The following VMP1 variants were observed in gnomAD, a reference collection of about 807,000 sequenced individuals.
VMP1 encodes ectopic P-granules autophagy protein 3 homolog.
A neutral mutation model predicts 56.0 loss-of-function variants in VMP1; 11 were observed. The ratio of observed to expected loss-of-function variants is 0.20; its 90% CI spans 0.12 to 0.32. VMP1 has a LOEUF of 0.32. VMP1 is among the 10% of genes least tolerant of loss of function. VMP1 has a pLI of 1.00. For synonymous variants in VMP1, 149 were observed against 165.0 expected (o/e 0.90, Z 0.74); for missense variants, 296 against 490.3 (o/e 0.60, Z 3.74).
chr17:59,807,521 C>T (rs1381952199), intron 7 of VMP1, among the ~76,000 whole-genome samples: 2 of 151,834 alleles, frequency 1.3e-5, no homozygotes, highest in Admixed American at 6.6e-5. Flanking sequence ...TCTATATTCT[C>T]TTTATTGTCT....
At chr17:59,778,658 A>G (rs1302005081) in intron 7 of VMP1, among the ~76,000 whole-genome samples, 1 of 152,174 alleles carries the variant, frequency 6.6e-6, no homozygotes, top group Non-Finnish European at 1.5e-5. Context: ...TCCAGGCTTA[A>G]TATTTACTGA....
intron 6 of VMP1, among the ~76,000 whole-genome samples, chr17:59,773,136 A>G (rs1345990726): frequency 6.6e-6 from 1 of 150,940 alleles, no homozygotes; most frequent in Non-Finnish European, 1.5e-5. Context: ...TAATTTTTGT[A>G]TTTTTAGTAG....
chr17:59,808,737 A>T, intron 7 of VMP1, 59 bp from the exon 8 acceptor site: 1 of 1,382,546 alleles, frequency 7.2e-7, no homozygotes, highest in Non-Finnish European at 1.0e-6. Flanking sequence ...CTCTAGAAAG[A>T]ACCATCTTTC....
At chr17:59,817,856 A>C in intron 10 of VMP1, 83 bp downstream of exon 10, 1 of 1,092,214 alleles carries the variant, frequency 9.2e-7, no homozygotes, top group Non-Finnish European at 1.3e-6. Flanking sequence ...TTGAAATAGA[A>C]TTTTTGACAT....
intron 1 of VMP1, among the ~76,000 whole-genome samples, chr17:59,713,450 C>A (rs1270410454): frequency 6.6e-6 from 1 of 151,850 alleles, no homozygotes; most frequent in Non-Finnish European, 1.5e-5. Flanking sequence ...ATATATAAAT[C>A]TAGAGGTCAA....
chr17:59,742,629 A>C (rs2143855773), intron 5 of VMP1, among the ~76,000 whole-genome samples: 1 of 152,114 alleles, frequency 6.6e-6, no homozygotes, highest in Admixed American at 6.6e-5. Flanking sequence ...CTAATACACC[A>C]GGGGTCCCTA....
chr17:59,822,118 A>C (rs2038476125), intron 10 of VMP1, among the ~76,000 whole-genome samples: 1 of 152,126 alleles, frequency 6.6e-6, no homozygotes, highest in Non-Finnish European at 1.5e-5. Flanking sequence ...CTGCGATTAC[A>C]AGAGTGAGCC....
intron 7 of VMP1, among the ~76,000 whole-genome samples, chr17:59,807,110 CT>C (rs1215892328): frequency 6.6e-6 from 1 of 151,688 alleles, no homozygotes; most frequent in Non-Finnish European, 1.5e-5. Flanking sequence ...AATTAGAGAA[CT>C]ATATTTTTCA....
intron 7 of VMP1, among the ~76,000 whole-genome samples, chr17:59,800,203 A>G (rs1357922771): frequency 2.0e-5 from 3 of 152,196 alleles, no homozygotes; most frequent in African/African-American, 7.2e-5. Context: ...AAAGTTTTAC[A>G]TTGCAGTTTC....
chr17:59,809,484 ATTTTTTTTTTTTTTTTT>A (rs71145575), intron 8 of VMP1, among the ~76,000 whole-genome samples: 11 of 52,712 alleles, frequency 2.1e-4, no homozygotes, highest in African/African-American at 4.1e-4. Context: ...CACCCAGCTA[ATTTTTTTTTTTTTTTTT>A]TTTTTTTTTT....
chr17:59,742,900 A>C (rs1222235305), intron 5 of VMP1, among the ~76,000 whole-genome samples: 2 of 152,138 alleles, frequency 1.3e-5, no homozygotes, highest in Non-Finnish European at 2.9e-5. Flanking sequence ...AATGCCTGAT[A>C]ATCTGAGGTG....
chr17:59,743,578 CTCTA>C (rs1053797426), intron 5 of VMP1, among the ~76,000 whole-genome samples: 7 of 148,588 alleles, frequency 4.7e-5, no homozygotes, highest in African/African-American at 1.5e-4. Flanking sequence ...CTCTCTCTCT[CTCTA>C]TATATATATA....
chr17:59,714,673 G>A (rs544360119), intron 1 of VMP1, among the ~76,000 whole-genome samples: 15 of 151,960 alleles, frequency 9.9e-5, no homozygotes, highest in Admixed American at 9.8e-4. Context: ...GCGGTGCAGG[G>A]AGAGGGCTTT....
intron 5 of VMP1, among the ~76,000 whole-genome samples, chr17:59,759,015 G>A (rs990284539): frequency 3.3e-5 from 5 of 152,110 alleles, no homozygotes; most frequent in Non-Finnish European, 7.4e-5. Flanking sequence ...GAACTCTAGA[G>A]GTTGAGGCTG....
At chr17:59,735,677 T>C (rs1386980590) in intron 3 of VMP1, 3 of 546,998 alleles carry the variant, frequency 5.5e-6, no homozygotes, top group Non-Finnish European at 9.5e-6. Context: ...GCTGTTTGCT[T>C]ACTGGATTAT....
In VMP1 at chr17:59,773,803, C is replaced by T; in HGVS notation, c.632C>T (p.Ala211Val). The change falls in exon 7 of 12, where the codon GCA becomes GTA. Residue 211 changes from alanine (A) to valine (V), a missense_variant. Coordinates refer to ENST00000262291, the MANE Select transcript of VMP1 (RefSeq NM_030938.5). ...CTGCCTCCATATTTCATGGCCAGAGCAGCTCGCCTCTCAGGTGCTGAACCA... is the reference window on the plus strand; with the variant it reads ...CTGCCTCCATATTTCATGGCCAGAGTAGCTCGCCTCTCAGGTGCTGAACCA... ...GELPPYFMAR[A>V]ARLSGAEPDD... is the part of the protein sequence containing the mutation. The T allele has an allele frequency of 4.3e-6, 7 of 1,613,414 alleles. No individual in the cohort carries two copies. Among genetic ancestry groups the T allele is most frequent in the Non-Finnish European group, 5.9e-6 (7 of 1,179,760 alleles).
chr17:59,721,645 A>G (rs2034400458), intron 1 of VMP1, among the ~76,000 whole-genome samples: 1 of 152,184 alleles, frequency 6.6e-6, no homozygotes, highest in Non-Finnish European at 1.5e-5. Context: ...GCACTTTGGG[A>G]GGCTGAGACA....
chr17:59,780,367 G>T (rs1356548247), intron 7 of VMP1, among the ~76,000 whole-genome samples: 2 of 152,176 alleles, frequency 1.3e-5, no homozygotes, highest in Non-Finnish European at 2.9e-5. Flanking sequence ...AAGGTGGGCG[G>T]ATCACTTGAG....
chr17:59,738,824 C>T lies in VMP1; in HGVS notation c.304-13C>T, dbSNP rs897453186. 5 of 1,578,636 alleles carry T rather than the reference C, an allele frequency of 3.2e-6. No homozygotes were observed. In the African/African-American group the frequency reaches 4.1e-5, roughly 13 times the overall value. ...AGAGAATTCACGGTTTTCACCTCAT[C>T]CCTTTTTTTCAGTATGTGCAACGTA... On this transcript the variant is annotated splice_polypyrimidine_tract_variant and intron_variant, in intron 4 of 11. Coordinates refer to ENST00000262291, the MANE Select transcript of VMP1 (RefSeq NM_030938.5).
Sources: gnomAD v4.1 joint callset for allele counts (sites outside exome capture counted in the v4.1 genomes callset) on GRCh38, gnomAD v4.1.1 for gene constraint, MANE v1.5 for transcripts, NCBI Gene and HGNC (gene_info 2026-07-23, HGNC 2026-07-21) for gene names.